Variants in LPP observed in about 807,000 individuals in gnomAD.
The protein encoded by LPP is lipoma-preferred partner.
LPP carries 38 observed loss-of-function variants against 60.4 expected under a neutral mutation model. The ratio of observed to expected loss-of-function variants is 0.63; its 90% CI spans 0.49 to 0.83. LPP has a LOEUF of 0.83. Among genes scored for constraint, LPP ranks in the 40% least tolerant of loss-of-function variants. LPP has a pLI of 0.00. For missense variants in LPP, 902 were observed against 783.6 expected (o/e 1.15, Z -1.80); for synonymous variants, 328 against 290.8 (o/e 1.13, Z -1.30).
chr3:188,518,755 C>A (rs1818085252), intron 5 of LPP, among the ~76,000 whole-genome samples: 1 of 152,160 alleles, frequency 6.6e-6, no homozygotes. Flanking sequence ...GGCATTGGAT[C>A]TAATTCTAGT....
At chr3:188,470,281 TACACACACACACACACAC>T (rs59656753) in intron 4 of LPP, among the ~76,000 whole-genome samples, 4 of 126,770 alleles carry the variant, frequency 3.2e-5, no homozygotes, top group Admixed American at 2.3e-4. Context: ...CTCTCTCTCA[TACACACACACACACACAC>T]ACACACACAC....
chr3:188,524,761 T>TC lies in LPP; in HGVS notation c.408dup (p.Tyr137LeufsTer2). On this transcript the variant is annotated frameshift_variant, in exon 6 of 12. Coordinates refer to ENST00000617246, the MANE Select transcript of LPP (RefSeq NM_001375462.1). LOFTEE classifies it high-confidence loss of function. ...CATCTTGGCTGACCTTGAGTGCAGC[T>TC]CCCCCTATAAGCCTCGGCCTCCACA... 1 of 1,613,820 alleles carries TC rather than the reference T, an allele frequency of 6.2e-7. No homozygotes were observed. Among genetic ancestry groups the TC allele is most frequent in the South Asian group, 1.1e-5 (1 of 91,052 alleles).
intron 2 of LPP, among the ~76,000 whole-genome samples, chr3:188,340,875 A>G (rs1762878025): frequency 6.6e-6 from 1 of 152,214 alleles, no homozygotes; most frequent in South Asian, 2.1e-4. Flanking sequence ...TTTTGATCAT[A>G]TAAATGTGGA....
At chr3:188,212,009 C>T (rs1266532623) in intron 1 of LPP, among the ~76,000 whole-genome samples, 1 of 152,102 alleles carries the variant, frequency 6.6e-6, no homozygotes, top group Non-Finnish European at 1.5e-5. Context: ...CAGGCACACA[C>T]CACCATGCCT....
At chr3:188,793,285 G>T (rs1262066905) in intron 9 of LPP, among the ~76,000 whole-genome samples, 2 of 151,222 alleles carry the variant, frequency 1.3e-5, no homozygotes, top group African/African-American at 4.9e-5. Context: ...GAGCTCAAGC[G>T]ATTCTCCTGC....
intron 2 of LPP, among the ~76,000 whole-genome samples, chr3:188,262,707 C>T (rs1734087840): frequency 6.6e-6 from 1 of 150,574 alleles, no homozygotes; most frequent in Non-Finnish European, 1.5e-5. Context: ...CTCCTCTCTC[C>T]TCTCTCTGTC....
At chr3:188,184,236 G>A (rs1438410164) in intron 1 of LPP, among the ~76,000 whole-genome samples, 6 of 152,142 alleles carry the variant, frequency 3.9e-5, no homozygotes, top group South Asian at 2.1e-4. Flanking sequence ...GATTTTGCAC[G>A]GACTACTTCC....
At chr3:188,423,030 A>G (rs936582594) in intron 4 of LPP, among the ~76,000 whole-genome samples, 3 of 151,046 alleles carry the variant, frequency 2.0e-5, no homozygotes, top group Non-Finnish European at 2.9e-5. Flanking sequence ...TACACATGCC[A>G]TGGTGGTTTG....
intron 2 of LPP, among the ~76,000 whole-genome samples, chr3:188,250,819 T>TTTCTTTCC (rs1729163080): frequency 6.7e-6 from 1 of 148,326 alleles, no homozygotes; most frequent in Non-Finnish European, 1.5e-5. Flanking sequence ...TCTTTCTTTC[T>TTTCTTTCC]TTCTTTTTCT....
intron 9 of LPP, among the ~76,000 whole-genome samples, chr3:188,811,824 T>G (rs1751074694): frequency 6.6e-6 from 1 of 152,198 alleles, no homozygotes; most frequent in Non-Finnish European, 1.5e-5. Context: ...TTTGTTGTTT[T>G]CTTTTTCTTT....
At chr3:188,753,758 C>T (rs532834240) in intron 8 of LPP, among the ~76,000 whole-genome samples, 10 of 151,350 alleles carry the variant, frequency 6.6e-5, no homozygotes, top group Admixed American at 3.3e-4. Context: ...TTTCTTGTTG[C>T]GAGTGTTTGA....
chr3:188,733,399 A>G (rs1721362394), intron 8 of LPP, among the ~76,000 whole-genome samples: 1 of 152,092 alleles, frequency 6.6e-6, no homozygotes, highest in Non-Finnish European at 1.5e-5. Context: ...AGAATTCTGC[A>G]ATACCCCTGA....
chr3:188,694,173 G>T (rs961147598), intron 7 of LPP, among the ~76,000 whole-genome samples: 1 of 152,090 alleles, frequency 6.6e-6, no homozygotes, highest in African/African-American at 2.4e-5. Flanking sequence ...GTAAGAACCC[G>T]GCAGAAAATT....
At chr3:188,743,116 T>C (rs529230883) in intron 8 of LPP, among the ~76,000 whole-genome samples, 18 of 152,192 alleles carry the variant, frequency 1.2e-4, no homozygotes, top group Non-Finnish European at 2.2e-4. Flanking sequence ...CCATACCTCA[T>C]AGAACATTTA....
chr3:188,355,334 C>T (rs902551038), intron 3 of LPP, among the ~76,000 whole-genome samples: 19 of 152,102 alleles, frequency 1.2e-4, no homozygotes, highest in Non-Finnish European at 2.4e-4. Flanking sequence ...TATGTATGAT[C>T]GTCATAATGA....
intron 7 of LPP, among the ~76,000 whole-genome samples, chr3:188,699,980 C>G (rs1242355147): frequency 1.3e-5 from 2 of 152,128 alleles, no homozygotes; most frequent in Non-Finnish European, 2.9e-5. Context: ...TATATTTTTT[C>G]TGGCAGGCTT....
At chr3:188,649,457 C>T (rs1851680260) in intron 7 of LPP, among the ~76,000 whole-genome samples, 1 of 152,310 alleles carries the variant, frequency 6.6e-6, no homozygotes, top group Admixed American at 6.5e-5. Flanking sequence ...ATCTCAGCCT[C>T]ACCAAAGGGG....
At chr3:188,760,691 G>A (rs1441353237) in intron 9 of LPP, among the ~76,000 whole-genome samples, 2 of 152,120 alleles carry the variant, frequency 1.3e-5, no homozygotes, top group Non-Finnish European at 2.9e-5. Flanking sequence ...TAGTTTCAAG[G>A]AAACTTTACA....
intron 1 of LPP, among the ~76,000 whole-genome samples, chr3:188,162,118 A>G (rs1718473759): frequency 6.6e-6 from 1 of 152,236 alleles, no homozygotes; most frequent in Admixed American, 6.5e-5. Flanking sequence ...GCCCATCACA[A>G]TGTATCTCAC....
Sources: gnomAD v4.1 joint callset for allele counts (sites outside exome capture counted in the v4.1 genomes callset) on GRCh38, gnomAD v4.1.1 for gene constraint, MANE v1.5 for transcripts, NCBI Gene and HGNC (gene_info 2026-07-23, HGNC 2026-07-21) for gene names.